Variants in LRRC4C observed in about 807,000 individuals in gnomAD.
LRRC4C encodes leucine-rich repeat-containing protein 4C.
LRRC4C carries 5 observed loss-of-function variants against 33.6 expected under a neutral mutation model. That is an observed-to-expected ratio of 0.15 (90% confidence interval 0.08 to 0.31). LRRC4C has a LOEUF of 0.31. Ranked by LOEUF, LRRC4C falls within the 10% of genes least tolerant of loss-of-function variation. The pLI, the probability that LRRC4C is intolerant of heterozygous loss-of-function variation, is 1.00. For synonymous variants in LRRC4C, 329 were observed against 302.0 expected, an observed-to-expected ratio of 1.09 and a Z score of -0.93; for missense variants, 560 against 796.7, an observed-to-expected ratio of 0.70 and a Z score of 3.58.
intron 2 of LRRC4C, among the ~76,000 whole-genome samples, chr11:40,860,776 TC>T (rs1954050821): frequency 2.5e-5 from 2 of 78,578 alleles, no homozygotes; most frequent in African/African-American, 9.3e-5. Flanking sequence ...GGGCTTAGGA[TC>T]TTTTTTTTTT....
chr11:41,055,885 T>C (rs1302304963), intron 1 of LRRC4C, among the ~76,000 whole-genome samples: 3 of 152,142 alleles, frequency 2.0e-5, no homozygotes, highest in Non-Finnish European at 4.4e-5. Flanking sequence ...TTCTTATACA[T>C]TGCCATCAAC....
At position 41,009,295 on chromosome 11, in the gene LRRC4C, T is replaced by G. The variant is rs74234795; in HGVS notation, c.-495-75572A>C. On this transcript the variant is annotated intron_variant, in intron 1 of 6. Coordinates refer to ENST00000528697, the MANE Select transcript of LRRC4C (RefSeq NM_001258419.2). ...TATATCCAAAACAATGTGTGTAAATTTTTCGAGTATCATTATCTAGTAAAA... is the reference window on the plus strand; with the variant it reads ...TATATCCAAAACAATGTGTGTAAATGTTTCGAGTATCATTATCTAGTAAAA... Among the ~76,000 whole-genome samples the G allele has an allele frequency of 5.4e-4, 82 of 152,052 alleles. No homozygotes were observed. The East Asian group carries it at 0.015, about 29-fold the overall frequency.
At chr11:41,018,298 A>G (rs544833199) in intron 1 of LRRC4C, among the ~76,000 whole-genome samples, 1 of 152,156 alleles carries the variant, frequency 6.6e-6, no homozygotes, top group African/African-American at 2.4e-5. Context: ...CTTTTTGTCA[A>G]TTAAACACTT....
intron 2 of LRRC4C, among the ~76,000 whole-genome samples, chr11:40,667,125 C>T (rs1037547718): frequency 3.9e-5 from 6 of 152,098 alleles, no homozygotes; most frequent in Non-Finnish European, 8.8e-5. Flanking sequence ...CAAACCACTT[C>T]TATATGTTAG....
intron 3 of LRRC4C, among the ~76,000 whole-genome samples, chr11:40,606,909 A>G (rs1960670111): frequency 6.6e-6 from 1 of 152,230 alleles, no homozygotes; most frequent in Non-Finnish European, 1.5e-5. Flanking sequence ...GAGACACGTT[A>G]TAACAAAAAG....
At chr11:40,778,917 T>C (rs73466701) in intron 2 of LRRC4C, among the ~76,000 whole-genome samples, 19 of 152,322 alleles carry the variant, frequency 1.2e-4, no homozygotes, top group African/African-American at 4.3e-4. Flanking sequence ...GCCAATGTGT[T>C]TCACTTCTAA....
intron 2 of LRRC4C, among the ~76,000 whole-genome samples, chr11:40,684,363 T>G (rs1421382234): frequency 2.6e-5 from 4 of 151,968 alleles, no homozygotes; most frequent in African/African-American, 7.2e-5. Context: ...GCATTAAATT[T>G]TGAATTAGAC....
At chr11:41,353,240 C>A (rs1215541922) in intron 1 of LRRC4C, among the ~76,000 whole-genome samples, 1 of 151,978 alleles carries the variant, frequency 6.6e-6, no homozygotes, top group African/African-American at 2.4e-5. Flanking sequence ...ATTATGAACA[C>A]CACTGTGCAC....
At chr11:40,650,380 T>C (rs145276126) in intron 2 of LRRC4C, among the ~76,000 whole-genome samples, 4 of 152,332 alleles carry the variant, frequency 2.6e-5, no homozygotes, top group East Asian at 1.9e-4. Flanking sequence ...CCAGTCATCC[T>C]GACCCAGCAT....
chr11:41,211,770 G>A (rs1946833312), intron 1 of LRRC4C, among the ~76,000 whole-genome samples: 1 of 152,158 alleles, frequency 6.6e-6, no homozygotes, highest in South Asian at 2.1e-4. Context: ...TTGCTATTGT[G>A]AGTAGAGCCG....
chr11:40,523,164 G>A (rs1269527574), intron 3 of LRRC4C, among the ~76,000 whole-genome samples: 1 of 152,080 alleles, frequency 6.6e-6, no homozygotes, highest in Non-Finnish European at 1.5e-5. Flanking sequence ...TTACTACCAA[G>A]GTAGAAGGTT....
chr11:40,341,667 C>G (rs1946873305), intron 3 of LRRC4C, among the ~76,000 whole-genome samples: 1 of 152,074 alleles, frequency 6.6e-6, no homozygotes, highest in Non-Finnish European at 1.5e-5. Flanking sequence ...TGCACATGAA[C>G]CCTAAAACTT....
At chr11:40,132,238 C>A (rs553647721) in intron 6 of LRRC4C, among the ~76,000 whole-genome samples, 7 of 152,280 alleles carry the variant, frequency 4.6e-5, no homozygotes, top group Non-Finnish European at 7.3e-5. Flanking sequence ...ACATTTACAA[C>A]CTTCTCATAA....
intron 2 of LRRC4C, among the ~76,000 whole-genome samples, chr11:40,730,682 A>G (rs1384856396): frequency 2.6e-5 from 4 of 152,180 alleles, no homozygotes; most frequent in Non-Finnish European, 5.9e-5. Flanking sequence ...TTTGAACTTT[A>G]TTATAACATT....
At chr11:41,005,802 T>C (rs1854710992) in intron 1 of LRRC4C, among the ~76,000 whole-genome samples, 1 of 152,148 alleles carries the variant, frequency 6.6e-6, no homozygotes, top group African/African-American at 2.4e-5. Flanking sequence ...AATAAACTTT[T>C]TAAAATAAAT....
intron 4 of LRRC4C, among the ~76,000 whole-genome samples, chr11:40,313,148 T>C (rs912453794): frequency 5.9e-5 from 9 of 152,152 alleles, no homozygotes; most frequent in South Asian, 2.1e-4. Context: ...TGTTTTGTCC[T>C]ATTTGTAATC....
intron 5 of LRRC4C, among the ~76,000 whole-genome samples, chr11:40,226,446 G>A (rs557093687): frequency 5.1e-4 from 77 of 152,286 alleles, no homozygotes; most frequent in Non-Finnish European, 9.4e-4. Flanking sequence ...ATGGATTGTT[G>A]CCAATAATAT....
At chr11:41,280,783 T>C (rs535847975) in intron 1 of LRRC4C, among the ~76,000 whole-genome samples, 1 of 152,086 alleles carries the variant, frequency 6.6e-6, no homozygotes, top group African/African-American at 2.4e-5. Context: ...AACTTGAGCA[T>C]GAGAAAAATG....
intron 3 of LRRC4C, among the ~76,000 whole-genome samples, chr11:40,488,188 G>T (rs1379724199): frequency 6.6e-6 from 1 of 152,082 alleles, no homozygotes; most frequent in Non-Finnish European, 1.5e-5. Flanking sequence ...AACAGAATTT[G>T]CATGCGTGTA....
Sources: gnomAD v4.1 joint callset for allele counts (sites outside exome capture counted in the v4.1 genomes callset) on GRCh38, gnomAD v4.1.1 for gene constraint, MANE v1.5 for transcripts, NCBI Gene and HGNC (gene_info 2026-07-23, HGNC 2026-07-21) for gene names.